Variants in ITSN1 observed in about 807,000 individuals in gnomAD.
The protein encoded by ITSN1 is intersectin 1.
Under a neutral mutation model 239.8 loss-of-function variants are expected in ITSN1, and 58 were observed. The ratio of observed to expected loss-of-function variants is 0.24; its 90% CI spans 0.20 to 0.30. The LOEUF is 0.30. Ranked by LOEUF, ITSN1 falls within the 10% of genes least tolerant of loss-of-function variation. The pLI, the probability that ITSN1 is intolerant of heterozygous loss-of-function variation, is 1.00. For missense variants in ITSN1, 1,558 were observed against 2,103.3 expected, an observed-to-expected ratio of 0.74 and a Z score of 5.07; for synonymous variants, 780 against 770.8, an observed-to-expected ratio of 1.01 and a Z score of -0.20.
At chr21:33,745,133 C>T (rs1457012044) in intron 5 of ITSN1, among the ~76,000 whole-genome samples, 1 of 152,222 alleles carries the variant, frequency 6.6e-6, no homozygotes, top group East Asian at 1.9e-4. Flanking sequence ...AAGACAGCTA[C>T]ATTTTGTGTG....
Position 33,896,792 on chromosome 21 carries a change from T to A in ITSN1, c.*8492T>A, listed in dbSNP as rs553095379. On this transcript the variant is annotated 3_prime_UTR_variant, in exon 40 of 40. Coordinates refer to ENST00000381318, the MANE Select transcript of ITSN1 (RefSeq NM_003024.3). ...CCAAAATGTTTGCAGTTCCATTTGCTTTTTGCAAGTAGGTCCCCATCTCCA... is the reference window on the plus strand; with the variant it reads ...CCAAAATGTTTGCAGTTCCATTTGCATTTTGCAAGTAGGTCCCCATCTCCA... 3.3e-5 allele frequency: 5 copies of A among 152,360 alleles called. No homozygotes were observed. Among genetic ancestry groups the A allele is most frequent in the African/African-American group, 1.2e-4 (5 of 41,580 alleles). 9.4% of individuals were successfully genotyped at this position (152,360 alleles called of 1,614,324 possible).
At chr21:33,885,612 TG>T in intron 38 of ITSN1, 90 bp downstream of exon 38, 1 of 957,644 alleles carries the variant, frequency 1.0e-6, no homozygotes, top group Non-Finnish European at 1.7e-6. Context: ...AGATCAAATG[TG>T]CTATTTCCAT....
Position 33,744,510 on chromosome 21 carries a change from C to A in ITSN1, c.347-5633C>A, listed in dbSNP as rs9977920. Among the ~76,000 whole-genome samples the A allele has an allele frequency of 8.3e-3, 1,258 of 152,260 alleles. 19 individuals are homozygous for A. Among genetic ancestry groups the A allele is most frequent in the African/African-American group, 0.028 (1,159 of 41,554 alleles). On this transcript the variant is annotated intron_variant, in intron 5 of 39. Coordinates refer to ENST00000381318, the MANE Select transcript of ITSN1 (RefSeq NM_003024.3). ...GTTCACTGAAAAGACTAGATACAATCATCTACCCCAGCAGCACTGAGCATC... is the reference window on the plus strand; with the variant it reads ...GTTCACTGAAAAGACTAGATACAATAATCTACCCCAGCAGCACTGAGCATC...
At chr21:33,696,141 C>T (rs1009223092) in intron 1 of ITSN1, among the ~76,000 whole-genome samples, 1 of 152,164 alleles carries the variant, frequency 6.6e-6, no homozygotes, top group African/African-American at 2.4e-5. Context: ...TGCTCTCATT[C>T]GTGATACCCA....
At chr21:33,837,933 T>A in intron 29 of ITSN1, 1 of 985,818 alleles carries the variant, frequency 1.0e-6, no homozygotes, top group Non-Finnish European at 1.2e-6. Context: ...CTCTGTTACA[T>A]GAAGTTTTAT....
rs556411079 is a variant in ITSN1, at chr21:33,757,423, T to G, written c.724+2026T>G. On this transcript the variant is annotated intron_variant, in intron 8 of 39. Transcript: ENST00000381318. ...TATTGTTTATCTGCATACTTATTGC[T>G]ACTTTGATCCAGCAAGAATTTAAGG... is the stretch of plus-strand genomic sequence containing the variant. 3.3e-5 allele frequency among the ~76,000 whole-genome samples: 5 copies of G among 152,382 alleles called. No homozygotes were observed. In the South Asian group the frequency reaches 1.0e-3, roughly 32 times the overall value.
chr21:33,837,641 G>A (rs909898729), intron 29 of ITSN1: 1 of 985,884 alleles, frequency 1.0e-6, no homozygotes, highest in Non-Finnish European at 1.2e-6. Flanking sequence ...GCTGTACCTT[G>A]TTGAGCATGT....
intron 1 of ITSN1, among the ~76,000 whole-genome samples, chr21:33,678,698 TTTG>T (rs765926561): frequency 2.4e-4 from 36 of 152,012 alleles, no homozygotes; most frequent in Non-Finnish European, 4.0e-4. Context: ...AAGCAAAGTT[TTTG>T]TTGTTGTTGT....
intron 21 of ITSN1, among the ~76,000 whole-genome samples, chr21:33,811,964 G>A (rs1470471761): frequency 6.6e-6 from 1 of 152,050 alleles, no homozygotes. Context: ...ACAAATTGAA[G>A]GCAAGGAATC....
intron 34 of ITSN1, among the ~76,000 whole-genome samples, chr21:33,881,057 G>T (rs138443893): frequency 0.021 from 3,189 of 152,186 alleles, 55 homozygotes; most frequent in Non-Finnish European, 0.032. Context: ...AGTCGGGTGA[G>T]GTTTCATGTG....
chr21:33,850,169 A>C (rs1335065621), intron 29 of ITSN1, among the ~76,000 whole-genome samples: 1 of 152,252 alleles, frequency 6.6e-6, no homozygotes, highest in East Asian at 1.9e-4. Context: ...AGCAGTAATT[A>C]AACTGCCTGG....
Position 33,867,283 on chromosome 21 carries a change from ACTGAAGC to A in ITSN1, c.4128_4134del (p.Lys1377CysfsTer4). The A allele has an allele frequency of 6.2e-7, 1 of 1,611,322 alleles. No individual in the cohort carries two copies. Among genetic ancestry groups the A allele is most frequent in the Non-Finnish European group, 8.5e-7 (1 of 1,177,532 alleles). On this transcript the variant is annotated frameshift_variant, in exon 33 of 40. Transcript: ENST00000381318. LOFTEE classifies it high-confidence loss of function. The stretch of plus-strand genomic sequence containing the variant: ...AAGGGATGCCACTCTCTAGTTTTAT[ACTGAAGC>A]CTATGCAACGGGTAACAAGATACCC...
At chr21:33,674,878 T>G (rs370839684) in intron 1 of ITSN1, among the ~76,000 whole-genome samples, 6 of 152,190 alleles carry the variant, frequency 3.9e-5, no homozygotes, top group South Asian at 4.1e-4. Context: ...TCAGTATCTC[T>G]TTTATGTGTA....
intron 29 of ITSN1, chr21:33,838,240 T>G (rs1280373196): frequency 1.0e-6 from 1 of 985,346 alleles, no homozygotes; most frequent in Non-Finnish European, 1.2e-6. Flanking sequence ...GCTGTCCTCC[T>G]AAAGACTCTG....
chr21:33,741,960 T>C (rs1246542060), intron 5 of ITSN1, among the ~76,000 whole-genome samples: 1 of 151,674 alleles, frequency 6.6e-6, no homozygotes, highest in African/African-American at 2.4e-5. Context: ...AGATGCTGCT[T>C]GCGAGTCAAC....
chr21:33,851,250 G>T lies in ITSN1; in HGVS notation c.3662-5486G>T, dbSNP rs557195035. On this transcript the variant is annotated intron_variant, in intron 29 of 39. Coordinates refer to ENST00000381318, the MANE Select transcript of ITSN1 (RefSeq NM_003024.3). ...CTCTTGCTGGTGCCCATAGCCCCCA[G>T]TGTATGGTCTTGACCTCCCCAGCCA... Among the ~76,000 whole-genome samples, 52 of 152,184 alleles carry T rather than the reference G, an allele frequency of 3.4e-4. No homozygotes were observed. The South Asian group carries it at 0.01, about 30-fold the overall frequency.
chr21:33,805,893 C>T (rs1451016384), intron 20 of ITSN1, among the ~76,000 whole-genome samples: 3 of 146,922 alleles, frequency 2.0e-5, no homozygotes, highest in African/African-American at 7.5e-5. Flanking sequence ...AGGATGGTCT[C>T]AATCTCCTGA....
chr21:33,805,734 C>T (rs554737942), intron 20 of ITSN1, among the ~76,000 whole-genome samples: 2 of 151,594 alleles, frequency 1.3e-5, no homozygotes, highest in East Asian at 4.0e-4. Context: ...TGCAGTGGCG[C>T]GATCTCGGTT....
rs776558259 is a variant in ITSN1, at chr21:33,861,991, TAAA to T, written c.3891-3139_3891-3137del. 8.3e-3 allele frequency among the ~76,000 whole-genome samples: 483 copies of T among 58,168 alleles called. 3 individuals are homozygous for T. The highest frequency in any genetic ancestry group is 0.033 in the African/African-American group (459 of 14,036). 38.2% of individuals were successfully genotyped at this position (58,168 alleles called of 152,430 possible). The stretch of plus-strand genomic sequence containing the variant: ...AATAAAAAAGAAACGTCATCTCTAC[TAAA>T]AAAAAAAAAAAAAAAAAAAAGAGCT... On this transcript the variant is annotated intron_variant, in intron 31 of 39. Transcript: ENST00000381318.
Sources: allele counts gnomAD v4.1 joint callset (sites outside exome capture counted in the v4.1 genomes callset), GRCh38; gene constraint gnomAD v4.1.1; transcripts MANE v1.5; gene names NCBI Gene and HGNC (gene_info 2026-07-23, HGNC 2026-07-21).